The following KIRREL3 variants were observed in gnomAD, a reference collection of about 807,000 sequenced individuals.
KIRREL3 encodes the protein kin of IRRE-like protein 3.
In KIRREL3, 36 loss-of-function variants were observed where a neutral mutation model predicts 89.7. The ratio of observed to expected loss-of-function variants is 0.40; its 90% CI spans 0.31 to 0.53. The LOEUF is 0.53. Among genes scored for constraint, KIRREL3 ranks in the 20% least tolerant of loss-of-function variants. KIRREL3 has a pLI of 0.49. For synonymous variants in KIRREL3, 445 were observed against 441.4 expected (o/e 1.01, Z -0.10); for missense variants, 864 against 1,056.6 (o/e 0.82, Z 2.53).
At position 126,923,134 on chromosome 11, in the gene KIRREL3, C is replaced by CTTCTTT. The variant is rs1947442652; in HGVS notation, c.55+77320_55+77321insAAAGAA. Among the ~76,000 whole-genome samples the CTTCTTT allele has an allele frequency of 2.8e-4, 2 of 7,094 alleles. 1 individual carries two copies. The highest frequency in any genetic ancestry group is 5.6e-4 in the Non-Finnish European group (2 of 3,576). 4.7% of individuals were successfully genotyped at this position (7,094 alleles called of 152,430 possible). A position where few individuals can be genotyped will look rare whatever the true frequency, so the allele number is the denominator to read the frequency against. On this transcript the variant is annotated intron_variant, in intron 1 of 16. Transcript: ENST00000525144. Reference sequence around the variant, plus strand: ...TCCTTCTCCTTCTCCTTCTTCTCTTCTTCTTCTTCTTCTTCTTCTTCTTCT... The same window carrying CTTCTTT: ...TCCTTCTCCTTCTCCTTCTTCTCTTCTTCTTTTTCTTCTTCTTCTTCTTCTTCTTCT...
Position 126,919,175 on chromosome 11 carries a change from T to G in KIRREL3, c.55+81280A>C, listed in dbSNP as rs372578172. ...ATTAAGGCATAGTGCTTTTGTGGGT[T>G]TCGATAAGCCTGACTTCTCAGTGTG... On this transcript the variant is annotated intron_variant, in intron 1 of 16. Coordinates refer to ENST00000525144, the MANE Select transcript of KIRREL3 (RefSeq NM_032531.4). 1.1e-4 allele frequency among the ~76,000 whole-genome samples: 17 copies of G among 152,100 alleles called. No homozygotes were observed. The East Asian group carries it at 1.3e-3, about 12-fold the overall frequency.
intron 1 of KIRREL3, among the ~76,000 whole-genome samples, chr11:126,962,327 T>C (rs966104297): frequency 1.3e-5 from 2 of 152,112 alleles, no homozygotes; most frequent in Admixed American, 6.6e-5. Flanking sequence ...GATAGCAATA[T>C]TAATAGGAGT....
In KIRREL3 at chr11:126,562,964, T is replaced by C. The variant is rs1384279855; in HGVS notation, c.56-52A>G. ...TTGGGAATGGGAACAGGTCAGGCATTGTTGGGGGGCCCTCTGCAGGGGGCT... is the reference window on the plus strand; with the variant it reads ...TTGGGAATGGGAACAGGTCAGGCATCGTTGGGGGGCCCTCTGCAGGGGGCT... On this transcript the variant is annotated intron_variant, in intron 1 of 16. Transcript: ENST00000525144. The surrounding 1 kb of genome is among the most constrained non-coding windows in gnomAD (Gnocchi z 4.7). 1.4e-6 allele frequency: 2 copies of C among 1,415,714 alleles called. No individual in the cohort carries two copies. 87.7% of individuals were successfully genotyped at this position (1,415,714 alleles called of 1,614,324 possible). A position where few individuals can be genotyped will look rare whatever the true frequency, so the allele number is the denominator to read the frequency against.
Position 126,556,782 on chromosome 11 carries a change from G to C in KIRREL3, c.133+6053C>G, listed in dbSNP as rs1437872859. Among the ~76,000 whole-genome samples, 4 of 152,174 alleles carry C rather than the reference G, an allele frequency of 2.6e-5. No individual in the cohort carries two copies. In the East Asian group the frequency reaches 7.7e-4, roughly 29 times the overall value. On this transcript the variant is annotated intron_variant, in intron 2 of 16. Transcript: ENST00000525144. ...TGTTCCCTCAGATCCTGGCTGGAGA[G>C]TGGAAACGGCAGGTCTCTTGTTCCA...
At chr11:126,679,782 C>T (rs1413859150) in intron 1 of KIRREL3, among the ~76,000 whole-genome samples, 1 of 152,158 alleles carries the variant, frequency 6.6e-6, no homozygotes, top group African/African-American at 2.4e-5. Context: ...TGCCTCAACC[C>T]ACTCCAAATA....
rs1398339114 is a variant in KIRREL3, at chr11:126,805,473, T to G, written c.55+194982A>C. On this transcript the variant is annotated intron_variant, in intron 1 of 16. Transcript: ENST00000525144. This position sits in a 1 kb window ranked among gnomAD's most constrained non-coding sequence, Gnocchi z 4.3. ...CCTCAGCCCATCTCATCTGGTTTTG[T>G]TCTGAACCCCAAGGTTCAGTCAGGT... 6.6e-6 allele frequency among the ~76,000 whole-genome samples: 1 copy of G among 152,210 alleles called. No homozygotes were observed. Among genetic ancestry groups the G allele is most frequent in the Non-Finnish European group, 1.5e-5 (1 of 68,032 alleles).
At position 126,431,050 on chromosome 11, in the gene KIRREL3, G is replaced by A; in HGVS notation, c.1696+369C>T. ...AGCAGCTCTTTATTTTTATTTTGTT[G>A]TAGAGATGGGGTCTCTCTAGACTAA... On this transcript the variant is annotated intron_variant, in intron 14 of 16. Transcript: ENST00000525144. The surrounding 1 kb of genome is among the most constrained non-coding windows in gnomAD (Gnocchi z 7.1). 1 of 1,253,502 alleles carries A rather than the reference G, an allele frequency of 8.0e-7. No individual in the cohort carries two copies. The highest frequency in any genetic ancestry group is 1.0e-6 in the Non-Finnish European group (1 of 998,884). The allele number at this position is 1,253,502 out of a possible 1,614,324, so 77.6% of individuals were successfully genotyped here.
chr11:126,845,510 C>T (rs1044163794), intron 1 of KIRREL3, among the ~76,000 whole-genome samples: 2 of 151,948 alleles, frequency 1.3e-5, no homozygotes, highest in East Asian at 3.9e-4. Context: ...AAGAGGGGTA[C>T]CTTAGGATAG....
intron 1 of KIRREL3, among the ~76,000 whole-genome samples, chr11:126,722,756 A>G (rs941726821): frequency 1.3e-5 from 2 of 152,250 alleles, no homozygotes; most frequent in African/African-American, 4.8e-5. Flanking sequence ...CCGTGTGGAC[A>G]AGGATTTTTG....
rs926144022 is a variant in KIRREL3 at position 126,705,081 on chromosome 11, T to C, written c.56-142169A>G. 5.9e-5 allele frequency among the ~76,000 whole-genome samples: 9 copies of C among 152,164 alleles called. No individual in the cohort carries two copies. The highest frequency in any genetic ancestry group is 1.0e-4 in the Non-Finnish European group (7 of 68,018). On this transcript the variant is annotated intron_variant, in intron 1 of 16. Transcript: ENST00000525144. The surrounding 1 kb of genome is among the most constrained non-coding windows in gnomAD (Gnocchi z 4.3). ...TTATGGCTCAAGACATAGGTTTGGT[T>C]TTCTTAAAAAAAGGTTTTCTTAATT...
intron 1 of KIRREL3, among the ~76,000 whole-genome samples, chr11:126,819,220 G>C (rs1943125645): frequency 6.6e-6 from 1 of 152,176 alleles, no homozygotes; most frequent in South Asian, 2.1e-4. Flanking sequence ...CGGTCAGCCA[G>C]GCTCAGCCAA....
At chr11:126,538,930 G>A (rs1291458529) in intron 2 of KIRREL3, among the ~76,000 whole-genome samples, 1 of 152,220 alleles carries the variant, frequency 6.6e-6, no homozygotes, top group African/African-American at 2.4e-5. Flanking sequence ...AGGAGTCACA[G>A]AAGGGTTGGC....
chr11:126,858,529 C>CCT (rs146468289), intron 1 of KIRREL3, among the ~76,000 whole-genome samples: 106 of 150,830 alleles, frequency 7.0e-4, no homozygotes, highest in African/African-American at 2.0e-3. Context: ...CTCTTTTTCT[C>CCT]CTCTCTCTCT....
In KIRREL3 at chr11:126,990,377, C is replaced by G. The variant is rs1761534683; in HGVS notation, c.55+10078G>C. On this transcript the variant is annotated intron_variant, in intron 1 of 16. Transcript: ENST00000525144. The surrounding 1 kb of genome is among the most constrained non-coding windows in gnomAD (Gnocchi z 6.3). The stretch of plus-strand genomic sequence containing the variant: ...AGAGGAACCCGCCTCCTGCGAGAGC[C>G]GCCGCCATCTGTAACGTTGCCCTCA... Among the ~76,000 whole-genome samples the G allele has an allele frequency of 6.6e-6, 1 of 152,182 alleles. No homozygotes were observed. The highest frequency in any genetic ancestry group is 6.5e-5 in the Admixed American group (1 of 15,286).
In KIRREL3 at chr11:126,768,415, ATCAG is replaced by A. The variant is rs1949915593; in HGVS notation, c.56-205507_56-205504del. The stretch of plus-strand genomic sequence containing the variant: ...GTCCCAGGTCTGGAAATGCCTATGA[ATCAG>A]TCAGGCAGGCCAAGGATCTTATGAA... On this transcript the variant is annotated intron_variant, in intron 1 of 16. Transcript: ENST00000525144. This position sits in a 1 kb window ranked among gnomAD's most constrained non-coding sequence, Gnocchi z 4.5. 6.6e-6 allele frequency among the ~76,000 whole-genome samples: 1 copy of A among 152,246 alleles called. No individual in the cohort carries two copies. Among genetic ancestry groups the A allele is most frequent in the Admixed American group, 6.5e-5 (1 of 15,286 alleles).
At chr11:126,691,839 T>TA (rs1565653540) in intron 1 of KIRREL3, among the ~76,000 whole-genome samples, 1 of 152,078 alleles carries the variant, frequency 6.6e-6, no homozygotes, top group East Asian at 1.9e-4. Flanking sequence ...TAACCAGATT[T>TA]AAAAAAAATG....
At position 126,830,869 on chromosome 11, in the gene KIRREL3, A is replaced by G. The variant is rs1376623511; in HGVS notation, c.55+169586T>C. 1.3e-5 allele frequency among the ~76,000 whole-genome samples: 2 copies of G among 152,174 alleles called. No homozygotes were observed. The highest frequency in any genetic ancestry group is 4.8e-5 in the African/African-American group (2 of 41,430). On this transcript the variant is annotated intron_variant, in intron 1 of 16. Transcript: ENST00000525144. This position sits in a 1 kb window ranked among gnomAD's most constrained non-coding sequence, Gnocchi z 4.9. ...TTCCTTTATTAGAGCAATCAGAAAA[A>G]AGATCACATAATTACCAAGATGTTG...
intron 1 of KIRREL3, among the ~76,000 whole-genome samples, chr11:126,720,859 G>C (rs985301183): frequency 6.6e-6 from 1 of 152,190 alleles, no homozygotes; most frequent in African/African-American, 2.4e-5. Flanking sequence ...GGGACCTGGA[G>C]GAGAGGAGTG....
chr11:126,709,745 C>T lies in KIRREL3; in HGVS notation c.56-146833G>A, dbSNP rs925392523. Reference sequence around the variant, plus strand: ...AGACACCTCCATCTCAGACCTCCTGCCTGCAGAATTGTGAGAAAATAAGTT... The same window carrying T: ...AGACACCTCCATCTCAGACCTCCTGTCTGCAGAATTGTGAGAAAATAAGTT... On this transcript the variant is annotated intron_variant, in intron 1 of 16. Coordinates refer to ENST00000525144, the MANE Select transcript of KIRREL3 (RefSeq NM_032531.4). The surrounding 1 kb of genome is among the most constrained non-coding windows in gnomAD (Gnocchi z 4.0). Among the ~76,000 whole-genome samples, 1 of 152,142 alleles carries T rather than the reference C, an allele frequency of 6.6e-6. No individual in the cohort carries two copies. The highest frequency in any genetic ancestry group is 2.4e-5 in the African/African-American group (1 of 41,434).
Sources: allele counts gnomAD v4.1 joint callset (sites outside exome capture counted in the v4.1 genomes callset), GRCh38; gene constraint gnomAD v4.1.1; non-coding constraint Gnocchi (gnomAD v3.1); transcripts MANE v1.5; gene names NCBI Gene and HGNC (gene_info 2026-07-23, HGNC 2026-07-21).